The following TRMT11 variants were observed in gnomAD, a reference collection of about 807,000 sequenced individuals.
TRMT11 encodes tRNA (guanine(10)-N(2))-methyltransferase TRMT11.
TRMT11 carries 53 observed loss-of-function variants against 62.8 expected under a neutral mutation model. The observed-to-expected ratio is 0.84, with a 90% CI of 0.68 to 1.06. The LOEUF (loss-of-function observed/expected upper bound fraction) is 1.06. TRMT11 is among the 50% of genes least tolerant of loss of function. TRMT11 has a pLI of 0.00. For synonymous variants in TRMT11, 188 were observed against 190.3 expected (o/e 0.99, Z 0.10); for missense variants, 556 against 553.4 (o/e 1.00, Z -0.05).
At chr6:126,007,976 C>T (rs1039884774) in intron 7 of TRMT11, among the ~76,000 whole-genome samples, 1 of 151,968 alleles carries the variant, frequency 6.6e-6, no homozygotes, top group African/African-American at 2.4e-5. Flanking sequence ...GAAACTCTGA[C>T]TTCAGTGGGA....
In TRMT11 at chr6:125,995,842, A is replaced by T. The variant is rs369206400; in HGVS notation, c.139-125A>T. On this transcript the variant is annotated intron_variant, in intron 2 of 12. Transcript: ENST00000334379. ...TTGGAACGATTTTTATTTTGGTTAC[A>T]GTCAGATCAGATATTCTTACATGAA... 420 of 665,502 alleles carry T rather than the reference A, an allele frequency of 6.3e-4. 7 individuals carry two copies. The South Asian group carries it at 7.1e-3, about 11-fold the overall frequency. 41.2% of individuals were successfully genotyped at this position (665,502 alleles called of 1,614,324 possible). A position where few individuals can be genotyped will look rare whatever the true frequency, so the allele number is the denominator to read the frequency against.
At chr6:126,069,430 C>A (rs1004832973) in intron 17 of TRMT11, among the ~76,000 whole-genome samples, 6 of 152,188 alleles carry the variant, frequency 3.9e-5, no homozygotes, top group African/African-American at 1.4e-4. Context: ...ATTTTGGTGT[C>A]TCTGGTTTCT....
chr6:126,194,932 T>C (rs1778647511), intron 1 of TRMT11, among the ~76,000 whole-genome samples: 1 of 151,944 alleles, frequency 6.6e-6, no homozygotes. Context: ...CCGAGCAACA[T>C]AGTGAGACCC....
At position 126,054,037 on chromosome 6, in the gene TRMT11, T is replaced by C. The variant is rs566506869; in HGVS notation, c.*1437+847T>C. Among the ~76,000 whole-genome samples the C allele has an allele frequency of 3.9e-5, 6 of 152,322 alleles. No homozygotes were observed. The South Asian group carries it at 1.2e-3, about 32-fold the overall frequency. On this transcript the variant is annotated intron_variant and NMD_transcript_variant, in intron 17 of 22. Transcript: ENST00000648977. ...AGGAGAAATGAAGCTGGACAGGTCATGAGAGCCAGATCCTAAAGGACTCAT... is the reference window on the plus strand; with the variant it reads ...AGGAGAAATGAAGCTGGACAGGTCACGAGAGCCAGATCCTAAAGGACTCAT...
chr6:126,030,226 TG>T (rs772798858), intron 12 of TRMT11, among the ~76,000 whole-genome samples: 1 of 152,146 alleles, frequency 6.6e-6, no homozygotes, highest in African/African-American at 2.4e-5. Flanking sequence ...TTAGCACAAG[TG>T]GTTTCTATAG....
chr6:126,181,272 G>A (rs908587383), intron 1 of TRMT11, among the ~76,000 whole-genome samples: 1 of 152,098 alleles, frequency 6.6e-6, no homozygotes, highest in African/African-American at 2.4e-5. Flanking sequence ...TGCATGACCA[G>A]GCTGGTAGAA....
chr6:126,270,507 C>A, the TRMT11 span, among the ~76,000 whole-genome samples: 1 of 151,960 alleles, frequency 6.6e-6, no homozygotes, highest in Non-Finnish European at 1.5e-5. Flanking sequence ...GAACAATTGG[C>A]ATAATGGCAA....
the TRMT11 span, among the ~76,000 whole-genome samples, chr6:126,209,021 CAT>C: frequency 0.014 from 2,102 of 152,290 alleles, 25 homozygotes; most frequent in Non-Finnish European, 0.023. Flanking sequence ...ATATGCTTGC[CAT>C]AGTGTGGAAC....
intron 12 of TRMT11, among the ~76,000 whole-genome samples, chr6:126,026,306 C>T (rs1364075352): frequency 1.3e-5 from 2 of 152,076 alleles, no homozygotes; most frequent in Admixed American, 6.5e-5. Context: ...TTTTTTTCTA[C>T]ATCTTGCTGC....
intron 1 of TRMT11, among the ~76,000 whole-genome samples, chr6:126,184,367 G>A (rs143871928): frequency 6.6e-6 from 1 of 152,286 alleles, no homozygotes; most frequent in African/African-American, 2.4e-5. Flanking sequence ...CTAAATAGAA[G>A]CTTTGGGACA....
At chr6:126,188,582 T>G (rs539396856) in intron 1 of TRMT11, among the ~76,000 whole-genome samples, 2 of 152,252 alleles carry the variant, frequency 1.3e-5, no homozygotes, top group East Asian at 3.9e-4. Flanking sequence ...GTGATTTGAT[T>G]TATGTGATAA....
the TRMT11 span, among the ~76,000 whole-genome samples, chr6:126,238,311 A>G: frequency 6.6e-6 from 1 of 151,960 alleles, no homozygotes; most frequent in Non-Finnish European, 1.5e-5. Flanking sequence ...TTAGGGTGTC[A>G]ATTTTAGATC....
chr6:126,066,678 C>A (rs1001402659), intron 17 of TRMT11, among the ~76,000 whole-genome samples: 2 of 152,106 alleles, frequency 1.3e-5, no homozygotes, highest in African/African-American at 2.4e-5. Flanking sequence ...TGAGTTATAA[C>A]CCTGTAGTCA....
chr6:126,218,791 G>T, the TRMT11 span, among the ~76,000 whole-genome samples: 3 of 152,178 alleles, frequency 2.0e-5, no homozygotes, highest in African/African-American at 7.2e-5. Flanking sequence ...AGGAATTGCA[G>T]TCCTTGTGGC....
the TRMT11 span, among the ~76,000 whole-genome samples, chr6:126,248,972 C>A: frequency 6.6e-6 from 1 of 152,038 alleles, no homozygotes; most frequent in Non-Finnish European, 1.5e-5. Context: ...ATTAAGATGT[C>A]TTTTGTAATC....
intron 21 of TRMT11, among the ~76,000 whole-genome samples, chr6:126,123,974 A>G (rs1777679805): frequency 6.6e-6 from 1 of 152,086 alleles, no homozygotes; most frequent in South Asian, 2.1e-4. Context: ...TTATAATTTA[A>G]GAGATGATTT....
intron 1 of TRMT11, among the ~76,000 whole-genome samples, chr6:126,194,934 G>A (rs1046796216): frequency 2.0e-5 from 3 of 152,080 alleles, no homozygotes. Context: ...GAGCAACATA[G>A]TGAGACCCTA....
At chr6:126,111,428 A>C (rs201172827) in intron 17 of TRMT11, among the ~76,000 whole-genome samples, 3 of 152,068 alleles carry the variant, frequency 2.0e-5, no homozygotes, top group East Asian at 3.9e-4. Flanking sequence ...GACACCCCCC[A>C]CACTTTTTAA....
chr6:126,121,534 T>G (rs1260424843), intron 21 of TRMT11, among the ~76,000 whole-genome samples: 1 of 152,106 alleles, frequency 6.6e-6, no homozygotes, highest in Non-Finnish European at 1.5e-5. Flanking sequence ...ATCTTGACAA[T>G]TATTGGCAGT....
Sources: allele counts gnomAD v4.1 joint callset (sites outside exome capture counted in the v4.1 genomes callset), GRCh38; gene constraint gnomAD v4.1.1; transcripts MANE v1.5; gene names NCBI Gene and HGNC (gene_info 2026-07-23, HGNC 2026-07-21).